Variants in OSMR observed in about 807,000 individuals in gnomAD.
The protein encoded by OSMR is oncostatin-M-specific receptor subunit beta.
Under a neutral mutation model 99.9 loss-of-function variants are expected in OSMR, and 81 were observed. The ratio of observed to expected loss-of-function variants is 0.81; its 90% confidence interval spans 0.68 to 0.97. The LOEUF (loss-of-function observed/expected upper bound fraction) is 0.97. OSMR is among the 50% of genes least tolerant of loss of function. The pLI, the probability that OSMR is intolerant of heterozygous loss-of-function variation, is 0.00. For missense variants in OSMR, 1,099 were observed against 1,153.4 expected (o/e 0.95, Z 0.68); for synonymous variants, 406 against 410.4 (o/e 0.99, Z 0.13).
rs1746431581 is a variant in OSMR at position 38,925,389 on chromosome 5, A to G, written c.2212+18A>G. Reference sequence around the variant, plus strand: ...TGAACACTGTGAGTTTTCCCAAATCAAAGTTCTTCCCTTAGGAGTTTCTGG... The same window carrying G: ...TGAACACTGTGAGTTTTCCCAAATCGAAGTTCTTCCCTTAGGAGTTTCTGG... On this transcript the variant is annotated intron_variant, in intron 15 of 17. Transcript: ENST00000274276. The G allele has an allele frequency of 6.2e-7, 1 of 1,606,666 alleles. No individual in the cohort carries two copies. The highest frequency in any genetic ancestry group is 1.7e-5 in the Admixed American group (1 of 59,990).
At chr5:38,857,472 A>G (rs965109830) in intron 1 of OSMR, among the ~76,000 whole-genome samples, 9 of 152,164 alleles carry the variant, frequency 5.9e-5, no homozygotes, top group African/African-American at 2.2e-4. Context: ...TTTAATATTC[A>G]GTTGTAATAC....
intron 7 of OSMR, among the ~76,000 whole-genome samples, chr5:38,890,143 A>G (rs568521654): frequency 4.3e-4 from 65 of 152,314 alleles, no homozygotes; most frequent in Non-Finnish European, 8.8e-4. Flanking sequence ...ATACGTGTTC[A>G]TTGAAATTGT....
rs745699582 is a variant in OSMR at position 38,918,942 on chromosome 5, C to T, written c.1465C>T (p.Pro489Ser). The change falls in exon 11 of 18, where the codon CCA becomes TCA. Residue 489 changes from proline to serine, a missense_variant. Coordinates refer to ENST00000274276, the MANE Select transcript of OSMR (RefSeq NM_003999.3). Reference protein sequence around the residue: ...SSSELHSIPAPANSTKLILDR... With the variant: ...SSSELHSIPASANSTKLILDR... ...TTCAGAGCTCCATTCCATTCCAGCA[C>T]CAGCCAACAGCACAAAACTAATCCT... The T allele has an allele frequency of 5.6e-6, 9 of 1,614,092 alleles. No individual in the cohort carries two copies. The highest frequency in any genetic ancestry group is 1.6e-4 in the Middle Eastern group (1 of 6,062).
chr5:38,868,483 C>A (rs1344936923), intron 1 of OSMR, among the ~76,000 whole-genome samples: 1 of 152,170 alleles, frequency 6.6e-6, no homozygotes, highest in African/African-American at 2.4e-5. Flanking sequence ...CCGGTCTTTT[C>A]TGTGCTATTC....
rs1384890613 is a variant in OSMR at position 38,904,010 on chromosome 5, G to A, written c.1120G>A (p.Gly374Arg). The change falls in exon 8 of 18, where the codon GGA (glycine) becomes AGA (arginine). Residue 374 changes from glycine (G) to arginine (R), a missense_variant. Coordinates refer to ENST00000274276, the MANE Select transcript of OSMR (RefSeq NM_003999.3). ...YLCQIELHGEGKMMQYNVSIK... is the reference protein window; with the variant it reads ...YLCQIELHGERKMMQYNVSIK... ...GTGTCAGATTGAACTCCATGGTGAAGGAAAAATGATGCAAGTAAGAACCCT... is the reference window on the plus strand; with the variant it reads ...GTGTCAGATTGAACTCCATGGTGAAAGAAAAATGATGCAAGTAAGAACCCT... 6.2e-7 allele frequency: 1 copy of A among 1,614,000 alleles called. No individual in the cohort carries two copies. Among genetic ancestry groups the A allele is most frequent in the Non-Finnish European group, 8.5e-7 (1 of 1,179,978 alleles).
chr5:38,857,751 G>A (rs1255594665), intron 1 of OSMR, among the ~76,000 whole-genome samples: 4 of 151,588 alleles, frequency 2.6e-5, no homozygotes, highest in African/African-American at 7.3e-5. Context: ...TACTGTAATC[G>A]CCGCCTCCTA....
intron 3 of OSMR, among the ~76,000 whole-genome samples, chr5:38,878,898 C>T (rs577177900): frequency 6.6e-6 from 1 of 152,282 alleles, no homozygotes; most frequent in Non-Finnish European, 1.5e-5. Flanking sequence ...CAACTCATTG[C>T]ATATTAATGA....
At chr5:38,899,405 C>T (rs1380384485) in intron 7 of OSMR, among the ~76,000 whole-genome samples, 1 of 152,122 alleles carries the variant, frequency 6.6e-6, no homozygotes, top group Non-Finnish European at 1.5e-5. Flanking sequence ...ACCCCAAGAG[C>T]CCACTTGTGC....
chr5:38,915,071 T>C (rs1354859915), intron 9 of OSMR, among the ~76,000 whole-genome samples: 3 of 152,234 alleles, frequency 2.0e-5, no homozygotes, highest in Non-Finnish European at 2.9e-5. Flanking sequence ...TATGATTCAC[T>C]AAATTTGATT....
intron 9 of OSMR, among the ~76,000 whole-genome samples, chr5:38,915,267 T>C (rs1354194152): frequency 3.3e-5 from 5 of 152,238 alleles, no homozygotes; most frequent in Non-Finnish European, 5.9e-5. Context: ...AAATCATAAT[T>C]TCTCAAAAAT....
intron 1 of OSMR, among the ~76,000 whole-genome samples, chr5:38,858,136 C>T (rs111622923): frequency 0.02 from 2,994 of 152,186 alleles, 46 homozygotes; most frequent in Non-Finnish European, 0.031. Context: ...GAAATTTTTT[C>T]CTCCAGCAAT....
At chr5:38,878,406 C>T (rs995234458) in intron 3 of OSMR, among the ~76,000 whole-genome samples, 4 of 152,074 alleles carry the variant, frequency 2.6e-5, no homozygotes, top group African/African-American at 9.7e-5. Context: ...CCAAACAAGT[C>T]AAAGGAAGAG....
At position 38,904,030 on chromosome 5, in the gene OSMR, A is replaced by G. The variant is rs549533864; in HGVS notation, c.1134+6A>G. The G allele has an allele frequency of 3.7e-6, 6 of 1,613,700 alleles. No homozygotes were observed. In the African/African-American group the frequency reaches 8.0e-5, roughly 22 times the overall value. ...GTGAAGGAAAAATGATGCAAGTAAG[A>G]ACCCTGCTTAATTTTCTATTTTCAA... is the stretch of plus-strand genomic sequence containing the variant. On this transcript the variant is annotated splice_donor_region_variant and intron_variant, in intron 8 of 17. Transcript: ENST00000274276.
At chr5:38,908,120 C>T (rs1745358661) in intron 9 of OSMR, among the ~76,000 whole-genome samples, 1 of 152,200 alleles carries the variant, frequency 6.6e-6, no homozygotes, top group African/African-American at 2.4e-5. Flanking sequence ...GCCACTGTGG[C>T]TGCTGCAAAC....
intron 1 of OSMR, among the ~76,000 whole-genome samples, chr5:38,868,125 CT>C (rs568661739): frequency 5.8e-4 from 89 of 152,306 alleles, no homozygotes; most frequent in African/African-American, 2.1e-3. Context: ...TCTTGTTTCT[CT>C]GCTTGACCTT....
rs368608965 is a variant in OSMR, at chr5:38,883,898, G to A, written c.490G>A (p.Val164Ile). The part of the protein sequence containing the change: ...KDKLVEEGTN[V>I]TICYVSRNIQ... ...TAAGCTGGTGGAAGAAGGCACCAAT[G>A]TTACCATTTGTTACGTTTCTAGGAA... Residue 164 changes from valine (V) to isoleucine (I), a missense_variant, in exon 5 of 18, where the codon GTT becomes ATT. By Grantham distance (29) the Val-to-Ile change is conservative (BLOSUM62 3). Transcript: ENST00000274276. The A allele has an allele frequency of 2.6e-5, 42 of 1,613,280 alleles. No homozygotes were observed. The African/African-American group carries it at 4.5e-4, about 17-fold the overall frequency.
chr5:38,884,051 T>A lies in OSMR; in HGVS notation c.643T>A (p.Cys215Ser), dbSNP rs1026103182. Reference sequence around the variant, plus strand: ...TAGGAATAAAGGGACAAATATCTATTGTGAGGCAAGTCAAGGAAATGTCAG... The same window carrying A: ...TAGGAATAAAGGGACAAATATCTATAGTGAGGCAAGTCAAGGAAATGTCAG... ...FIRNKGTNIY[C>S]EASQGNVSEG... The change falls in exon 5 of 18, where the codon TGT becomes AGT. Residue 215 changes from cysteine (C) to serine (S), a missense_variant. Cys to Ser is a moderately radical substitution (Grantham distance 112, BLOSUM62 -1). Coordinates refer to ENST00000274276, the MANE Select transcript of OSMR (RefSeq NM_003999.3). 6.2e-7 allele frequency: 1 copy of A among 1,614,118 alleles called. No individual in the cohort carries two copies. Among genetic ancestry groups the A allele is most frequent in the Non-Finnish European group, 8.5e-7 (1 of 1,179,956 alleles).
chr5:38,939,779 T>C (rs144984386), downstream of OSMR: 321 of 226,830 alleles, frequency 1.4e-3, 1 homozygote, highest in African/African-American at 6.8e-3. Context: ...TGGTATTCTA[T>C]AGTCTGTAAT....
Position 38,933,050 on chromosome 5 carries a change from G to C in OSMR, c.2546G>C (p.Gly849Ala), listed in dbSNP as rs1363328972. The stretch of plus-strand genomic sequence containing the variant: ...CTTCCAACAGAAAAGAATCACTCTG[G>C]CCCTGGCCCCTGCATCTGTTTTGAG... Reference protein sequence around the residue: ...YLLPTEKNHSGPGPCICFENL... With the variant: ...YLLPTEKNHSAPGPCICFENL... Residue 849 changes from glycine to alanine, a missense_variant, in exon 18 of 18, where the codon GGC becomes GCC. Gly to Ala is a moderately conservative substitution (Grantham distance 60, BLOSUM62 0). Transcript: ENST00000274276. The C allele has an allele frequency of 6.2e-7, 1 of 1,614,110 alleles. No homozygotes were observed.
Sources: gnomAD v4.1 joint callset for allele counts (sites outside exome capture counted in the v4.1 genomes callset) on GRCh38, gnomAD v4.1.1 for gene constraint, MANE v1.5 for transcripts, NCBI Gene and HGNC (gene_info 2026-07-23, HGNC 2026-07-21) for gene names.